NAALADL2: variants seen among roughly 807,000 people sequenced by gnomAD.
The protein encoded by NAALADL2 is N-acetylated alpha-linked acidic dipeptidase like 2, also known as inactive N-acetylated-alpha-linked acidic dipeptidase-like protein 2.
A neutral mutation model predicts 87.2 loss-of-function variants in NAALADL2; 76 were observed. That is an observed-to-expected ratio of 0.87 (90% CI 0.72 to 1.05). NAALADL2 has a LOEUF of 1.05. Among genes scored for constraint, NAALADL2 ranks in the 50% least tolerant of loss-of-function variants. NAALADL2 has a pLI of 0.00. For missense variants in NAALADL2, 1,089 were observed against 945.8 expected (o/e 1.15, Z -1.99); for synonymous variants, 354 against 331.0 (o/e 1.07, Z -0.75).
chr3:175,795,987 C>T (rs1029103734), intron 13 of NAALADL2, among the ~76,000 whole-genome samples: 31 of 151,602 alleles, frequency 2.0e-4, no homozygotes, highest in African/African-American at 7.3e-4. Context: ...CTCTACTGAC[C>T]AGATCCTTGT....
chr3:174,832,744 G>T lies in NAALADL2; in HGVS notation c.-9+94998G>T, dbSNP rs113035275. 9.9e-3 allele frequency among the ~76,000 whole-genome samples: 1,505 copies of T among 152,242 alleles called. 21 individuals are homozygous for T. Among genetic ancestry groups the T allele is most frequent in the African/African-American group, 0.034 (1,422 of 41,526 alleles). ...GCCTCCCAAAGTGCTGGGATTACAGGCGTGAGCCACTGCACCTGGCCAATA... is the reference window on the plus strand; with the variant it reads ...GCCTCCCAAAGTGCTGGGATTACAGTCGTGAGCCACTGCACCTGGCCAATA... On this transcript the variant is annotated intron_variant, in intron 3 of 3. Transcript: ENST00000434257.
chr3:175,297,838 C>G (rs1430296347), intron 4 of NAALADL2, among the ~76,000 whole-genome samples: 1 of 152,070 alleles, frequency 6.6e-6, no homozygotes, highest in African/African-American at 2.4e-5. Flanking sequence ...AATGGGCATG[C>G]TTTTCATTTT....
Position 175,390,189 on chromosome 3 carries a change from T to G in NAALADL2, c.1091-57040T>G, listed in dbSNP as rs530925822. Among the ~76,000 whole-genome samples, 9 of 152,256 alleles carry G rather than the reference T, an allele frequency of 5.9e-5. 1 individual carries two copies. Among genetic ancestry groups the G allele is most frequent in the African/African-American group, 1.9e-4 (8 of 41,556 alleles). ...CAGGTAATGCTGAAAAAAATTATAC[T>G]GTGCCTTCCACTCCCCCACTCCCTC... On this transcript the variant is annotated intron_variant, in intron 5 of 13. Coordinates refer to ENST00000454872, the MANE Select transcript of NAALADL2 (RefSeq NM_207015.3).
intron 11 of NAALADL2, among the ~76,000 whole-genome samples, chr3:175,722,437 G>A (rs1742364030): frequency 6.6e-6 from 1 of 152,062 alleles, no homozygotes; most frequent in Non-Finnish European, 1.5e-5. Flanking sequence ...AAGTAAATGA[G>A]GTGGTTCACT....
chr3:175,220,299 T>A (rs1336857249), intron 2 of NAALADL2, among the ~76,000 whole-genome samples: 1 of 147,178 alleles, frequency 6.8e-6, no homozygotes, highest in Non-Finnish European at 1.5e-5. Flanking sequence ...GATTTCTTTT[T>A]GAAATATGTA....
intron 9 of NAALADL2, among the ~76,000 whole-genome samples, chr3:175,514,471 G>A (rs1018352820): frequency 2.6e-5 from 4 of 152,128 alleles, no homozygotes; most frequent in Middle Eastern, 3.2e-3. Context: ...GGGACATTAT[G>A]TATGGTTATT....
At chr3:175,459,260 T>TA (rs1476220776) in intron 6 of NAALADL2, among the ~76,000 whole-genome samples, 1 of 151,986 alleles carries the variant, frequency 6.6e-6, no homozygotes, top group African/African-American at 2.4e-5. Flanking sequence ...GAAAACATTT[T>TA]AAAAAATGAG....
chr3:175,053,680 A>G (rs1007650347), intron 1 of NAALADL2, among the ~76,000 whole-genome samples: 3 of 152,216 alleles, frequency 2.0e-5, no homozygotes, highest in African/African-American at 7.2e-5. Flanking sequence ...CCACACATAC[A>G]TGTAACATGT....
intron 3 of NAALADL2, among the ~76,000 whole-genome samples, chr3:175,240,396 G>A (rs533271983): frequency 4.6e-5 from 7 of 152,222 alleles, no homozygotes; most frequent in East Asian, 3.9e-4. Flanking sequence ...ACAATCAGAT[G>A]CCTATTTTCT....
At chr3:174,902,304 G>T (rs1732411371) in intron 1 of NAALADL2, among the ~76,000 whole-genome samples, 1 of 152,058 alleles carries the variant, frequency 6.6e-6, no homozygotes, top group East Asian at 1.9e-4. Flanking sequence ...TAAAACAGGT[G>T]ATAACTCTTG....
chr3:175,709,626 C>T (rs1740249693), intron 11 of NAALADL2, among the ~76,000 whole-genome samples: 1 of 149,304 alleles, frequency 6.7e-6, no homozygotes, highest in African/African-American at 2.5e-5. Flanking sequence ...GGCAATCATT[C>T]TCTTTGTATA....
intron 2 of NAALADL2, among the ~76,000 whole-genome samples, chr3:174,627,308 A>C (rs1721668574): frequency 6.6e-6 from 1 of 152,130 alleles, no homozygotes; most frequent in Non-Finnish European, 1.5e-5. Context: ...TAAAGAGTAC[A>C]TATGGCCAAG....
At chr3:174,926,328 A>G (rs1237171759) in intron 1 of NAALADL2, among the ~76,000 whole-genome samples, 1 of 152,192 alleles carries the variant, frequency 6.6e-6, no homozygotes, top group Non-Finnish European at 1.5e-5. Flanking sequence ...AAGGCAGGCC[A>G]ACATTCAGAT....
chr3:174,559,835 G>T (rs1713361818), intron 2 of NAALADL2, among the ~76,000 whole-genome samples: 1 of 152,082 alleles, frequency 6.6e-6, no homozygotes, highest in African/African-American at 2.4e-5. Flanking sequence ...TCACATTGAG[G>T]ATTAAGATTT....
chr3:174,950,308 G>A (rs1740144604), intron 1 of NAALADL2, among the ~76,000 whole-genome samples: 1 of 152,002 alleles, frequency 6.6e-6, no homozygotes, highest in South Asian at 2.1e-4. Flanking sequence ...GTTCCCAAAA[G>A]TTTTATAATA....
chr3:174,730,091 T>G (rs1298188893), intron 2 of NAALADL2, among the ~76,000 whole-genome samples: 1 of 152,130 alleles, frequency 6.6e-6, no homozygotes, highest in Non-Finnish European at 1.5e-5. Context: ...TTAATTACAT[T>G]CTGTAACCTT....
intron 9 of NAALADL2, among the ~76,000 whole-genome samples, chr3:175,544,188 T>C (rs1398814543): frequency 6.6e-6 from 1 of 152,206 alleles, no homozygotes; most frequent in East Asian, 1.9e-4. Flanking sequence ...AACTTTATAA[T>C]TGCTAGACAA....
intron 4 of NAALADL2, among the ~76,000 whole-genome samples, chr3:175,289,702 T>C (rs1755415324): frequency 6.6e-6 from 1 of 152,140 alleles, no homozygotes; most frequent in African/African-American, 2.4e-5. Context: ...TTGCTGCGCC[T>C]GTAGTCCCAG....
intron 1 of NAALADL2, among the ~76,000 whole-genome samples, chr3:174,549,974 T>C (rs574648057): frequency 6.6e-6 from 1 of 152,266 alleles, no homozygotes; most frequent in South Asian, 2.1e-4. Context: ...AAACATTTGA[T>C]AGAAATTGAA....
Sources: gnomAD v4.1 joint callset for allele counts (sites outside exome capture counted in the v4.1 genomes callset) on GRCh38, gnomAD v4.1.1 for gene constraint, MANE v1.5 for transcripts, NCBI Gene and HGNC (gene_info 2026-07-23, HGNC 2026-07-21) for gene names.